Variants in PIAS1 observed in about 807,000 individuals in gnomAD.
PIAS1 encodes protein inhibitor of activated STAT 1.
Under a neutral mutation model 71.3 loss-of-function variants are expected in PIAS1, and 6 were observed. The ratio of observed to expected loss-of-function variants is 0.08; its 90% CI spans 0.05 to 0.17. The LOEUF is 0.17. Among genes scored for constraint, PIAS1 ranks in the 10% least tolerant of loss-of-function variants. The pLI is 1.00. For missense variants in PIAS1, 555 were observed against 793.6 expected (o/e 0.70, Z 3.61); for synonymous variants, 303 against 292.9 (o/e 1.03, Z -0.35).
intron 2 of PIAS1, among the ~76,000 whole-genome samples, chr15:68,100,979 T>TG (rs1464423864): frequency 2.0e-5 from 3 of 151,598 alleles, no homozygotes; most frequent in Non-Finnish European, 4.4e-5. Flanking sequence ...CCCTGCAGCC[T>TG]CAACCTCCCT....
chr15:68,055,837 C>A (rs1161475983), intron 1 of PIAS1: 1 of 678,862 alleles, frequency 1.5e-6, no homozygotes, highest in Non-Finnish European at 2.7e-6. Flanking sequence ...AGAGTTTTTC[C>A]TGTGGAATAT....
chr15:68,163,735 G>C (rs1050913248), intron 7 of PIAS1, among the ~76,000 whole-genome samples: 1 of 152,058 alleles, frequency 6.6e-6, no homozygotes, highest in Non-Finnish European at 1.5e-5. Flanking sequence ...TTTCTATATG[G>C]TGTCTTATCT....
At chr15:68,138,411 C>T (rs2092748294) in intron 2 of PIAS1, among the ~76,000 whole-genome samples, 1 of 152,148 alleles carries the variant, frequency 6.6e-6, no homozygotes, top group South Asian at 2.1e-4. Context: ...AAGGGCAACA[C>T]ATATTTTGAA....
chr15:68,090,972 T>A (rs1305047644), intron 2 of PIAS1, among the ~76,000 whole-genome samples: 2 of 104,374 alleles, frequency 1.9e-5, no homozygotes, highest in Non-Finnish European at 4.2e-5. Context: ...GTATTTCTGG[T>A]TTCATTTTGA....
At chr15:68,153,492 A>C (rs2092863909) in intron 6 of PIAS1, 98 bp from the exon 7 acceptor site, 1 of 618,848 alleles carries the variant, frequency 1.6e-6, no homozygotes, top group South Asian at 2.0e-5. Flanking sequence ...TAGGTGTTTT[A>C]AGAAGTGTTA....
intron 2 of PIAS1, among the ~76,000 whole-genome samples, chr15:68,100,607 A>G (rs1004849823): frequency 6.6e-6 from 1 of 152,238 alleles, no homozygotes; most frequent in Admixed American, 6.5e-5. Flanking sequence ...GAATAAAATT[A>G]CTATGAATAT....
chr15:68,129,793 TTA>T (rs1491208724), intron 2 of PIAS1, among the ~76,000 whole-genome samples: 1 of 84,430 alleles, frequency 1.2e-5, no homozygotes, highest in Admixed American at 1.6e-4. Flanking sequence ...ATAATTGTAT[TTA>T]CACACACACA....
intron 7 of PIAS1, among the ~76,000 whole-genome samples, chr15:68,157,223 G>A (rs189791771): frequency 6.6e-6 from 1 of 152,328 alleles, no homozygotes; most frequent in African/African-American, 2.4e-5. Flanking sequence ...TCCAGGTAGA[G>A]ATGCTTGGTA....
At chr15:68,169,871 T>C (rs1185609336) in intron 8 of PIAS1, among the ~76,000 whole-genome samples, 14 of 150,528 alleles carry the variant, frequency 9.3e-5, no homozygotes, top group Non-Finnish European at 1.5e-5. Context: ...ATCCCATTTT[T>C]ATCCCCATTT....
intron 8 of PIAS1, among the ~76,000 whole-genome samples, chr15:68,165,740 G>A (rs2092953569): frequency 6.6e-6 from 1 of 152,160 alleles, no homozygotes; most frequent in Non-Finnish European, 1.5e-5. Flanking sequence ...GGTAGGGGTG[G>A]TGGTTGAATA....
chr15:68,162,091 C>A (rs1219040170), intron 7 of PIAS1, among the ~76,000 whole-genome samples: 2 of 151,908 alleles, frequency 1.3e-5, no homozygotes, highest in African/African-American at 4.8e-5. Context: ...TAAAACAGTT[C>A]TGTGAGGTAC....
intron 12 of PIAS1, among the ~76,000 whole-genome samples, chr15:68,183,410 T>G (rs1027411227): frequency 6.6e-6 from 1 of 152,152 alleles, no homozygotes; most frequent in Non-Finnish European, 1.5e-5. Context: ...GTCCCCCAAA[T>G]GGGGTCACGG....
chr15:68,184,814 A>C (rs141685187), intron 13 of PIAS1: 1 of 153,396 alleles, frequency 6.5e-6, no homozygotes, highest in Admixed American at 6.5e-5. Flanking sequence ...ACAAGATAAC[A>C]GTCTTGCTTG....
At chr15:68,137,470 A>G (rs1481126315) in intron 2 of PIAS1, among the ~76,000 whole-genome samples, 3 of 152,172 alleles carry the variant, frequency 2.0e-5, no homozygotes, top group Admixed American at 1.3e-4. Context: ...AAGCAGTTAC[A>G]ATAAGAGGAT....
rs67860159 is a variant in PIAS1 at position 68,129,794 on chromosome 15, TACACACACACACACACAC to T, written c.470-12127_470-12110del. Among the ~76,000 whole-genome samples, 568 of 145,090 alleles carry T rather than the reference TACACACACACACACACAC, an allele frequency of 3.9e-3. 3 individuals carry two copies. Among genetic ancestry groups the T allele is most frequent in the African/African-American group, 0.014 (545 of 39,122 alleles). On this transcript the variant is annotated intron_variant, in intron 2 of 13. Transcript: ENST00000249636. ...AAGCAGATTGCAAAATAATTGTATT[TACACACACACACACACAC>T]ACACACACACACACACACACACACT...
At chr15:68,172,314 T>G (rs1366685856) in intron 8 of PIAS1, among the ~76,000 whole-genome samples, 1 of 152,230 alleles carries the variant, frequency 6.6e-6, no homozygotes. Context: ...AGTCTATCAT[T>G]GATGGACATT....
chr15:68,180,094 C>CTTTGTT (rs1293538328), intron 11 of PIAS1, among the ~76,000 whole-genome samples: 2 of 151,710 alleles, frequency 1.3e-5, no homozygotes, highest in South Asian at 4.2e-4. Flanking sequence ...TCAAAATTAG[C>CTTTGTT]TTTGTTTTTG....
rs117588299 is a variant in PIAS1, at chr15:68,142,041, G to A, written c.554+11G>A. ...AATCAGTAGTTCCATGTAAGTTGTCGTCAAGTGTAACTTGAAGTTTGACCT... is the reference window on the plus strand; with the variant it reads ...AATCAGTAGTTCCATGTAAGTTGTCATCAAGTGTAACTTGAAGTTTGACCT... On this transcript the variant is annotated intron_variant, in intron 3 of 13. Transcript: ENST00000249636. 56 of 1,568,230 alleles carry A rather than the reference G, an allele frequency of 3.6e-5. No individual in the cohort carries two copies. Among genetic ancestry groups the A allele is most frequent in the Middle Eastern group, 1.7e-4 (1 of 6,034 alleles).
At chr15:68,156,799 A>G (rs1246383793) in intron 7 of PIAS1, among the ~76,000 whole-genome samples, 2 of 152,050 alleles carry the variant, frequency 1.3e-5, no homozygotes, top group Non-Finnish European at 2.9e-5. Flanking sequence ...GACATAGACG[A>G]TATGAAGATA....
Sources: gnomAD v4.1 joint callset for allele counts (sites outside exome capture counted in the v4.1 genomes callset) on GRCh38, gnomAD v4.1.1 for gene constraint, MANE v1.5 for transcripts, NCBI Gene and HGNC (gene_info 2026-07-23, HGNC 2026-07-21) for gene names.